Variants in UNC79 observed in about 807,000 individuals in gnomAD.
UNC79 encodes the protein unc-79 subunit of NALCN channel complex.
UNC79 carries 37 observed loss-of-function variants against 283.1 expected under a neutral mutation model. The ratio of observed to expected loss-of-function variants is 0.13; its 90% CI spans 0.10 to 0.17. UNC79 has a LOEUF of 0.17. UNC79 is among the 10% of genes least tolerant of loss of function. The pLI is 1.00. For missense variants in UNC79, 2,272 were observed against 3,211.1 expected, an observed-to-expected ratio of 0.71 and a Z score of 7.07; for synonymous variants, 1,107 against 1,200.2, an observed-to-expected ratio of 0.92 and a Z score of 1.61.
intron 1 of UNC79, among the ~76,000 whole-genome samples, chr14:93,443,401 G>A (rs2056368306): frequency 1.3e-5 from 2 of 149,164 alleles, no homozygotes; most frequent in South Asian, 4.2e-4. Flanking sequence ...ATCATTCAGT[G>A]CATACTCTTT....
chr14:93,484,726 C>T (rs2058326513), intron 4 of UNC79, among the ~76,000 whole-genome samples: 3 of 152,268 alleles, frequency 2.0e-5, no homozygotes, highest in African/African-American at 7.2e-5. Context: ...TTACATCATG[C>T]CTTTTTAACA....
At chr14:93,538,353 T>A in intron 12 of UNC79, 135 bp downstream of exon 12, 2 of 879,268 alleles carry the variant, frequency 2.3e-6, no homozygotes, top group Non-Finnish European at 3.3e-6. Context: ...CACAGTGTTG[T>A]AATGATGCTA....
At chr14:93,378,964 G>A (rs1230973427) in intron 1 of UNC79, among the ~76,000 whole-genome samples, 3 of 152,168 alleles carry the variant, frequency 2.0e-5, no homozygotes, top group African/African-American at 4.8e-5. Context: ...AAGGCTACAC[G>A]AGGTCCTATG....
intron 1 of UNC79, among the ~76,000 whole-genome samples, chr14:93,434,228 A>G (rs1745145384): frequency 6.6e-6 from 1 of 152,074 alleles, no homozygotes; most frequent in African/African-American, 2.4e-5. Flanking sequence ...AGAAAAAAAA[A>G]AAGAAAAGAA....
chr14:93,526,434 A>G (rs2060552614), intron 8 of UNC79, among the ~76,000 whole-genome samples: 2 of 152,222 alleles, frequency 1.3e-5, no homozygotes, highest in Non-Finnish European at 2.9e-5. Context: ...ATAGTGAAAA[A>G]CAATCAGTAA....
At chr14:93,625,855 G>A (rs1322947739) in intron 30 of UNC79, among the ~76,000 whole-genome samples, 2 of 152,084 alleles carry the variant, frequency 1.3e-5, no homozygotes, top group Admixed American at 1.3e-4. Context: ...GAATGTGACT[G>A]GGTGAAAACA....
chr14:93,489,916 G>A (rs190475991), intron 5 of UNC79, among the ~76,000 whole-genome samples: 7 of 152,318 alleles, frequency 4.6e-5, no homozygotes, highest in East Asian at 3.9e-4. Context: ...CTCTCAGGGT[G>A]GAGTTCCAGC....
chr14:93,467,573 G>A (rs766296413), intron 1 of UNC79, 98 bp from the exon 2 acceptor site: 334 of 1,154,624 alleles, frequency 2.9e-4, no homozygotes, highest in Non-Finnish European at 3.3e-4. Context: ...TTTTAAAAAT[G>A]ACTGTATGCC....
chr14:93,427,603 G>A (rs760858465), upstream of UNC79, among the ~76,000 whole-genome samples: 1 of 150,488 alleles, frequency 6.6e-6, no homozygotes, highest in African/African-American at 2.4e-5. Flanking sequence ...AATATATTAT[G>A]TTTTACTTAC....
At chr14:93,454,431 G>GCGTGTA (rs2140184639) in intron 1 of UNC79, among the ~76,000 whole-genome samples, 1 of 89,216 alleles carries the variant, frequency 1.1e-5, no homozygotes, top group Admixed American at 1.4e-4. Flanking sequence ...ATGTATAGAT[G>GCGTGTA]TGTGTATGTG....
At chr14:93,457,410 A>G (rs921726204) in intron 1 of UNC79, among the ~76,000 whole-genome samples, 56 of 152,194 alleles carry the variant, frequency 3.7e-4, no homozygotes, top group Non-Finnish European at 2.5e-4. Flanking sequence ...AAGGTTAGTT[A>G]CCTACTGGGG....
intron 13 of UNC79, among the ~76,000 whole-genome samples, chr14:93,542,230 G>A (rs1173225924): frequency 6.6e-6 from 1 of 152,114 alleles, no homozygotes; most frequent in African/African-American, 2.4e-5. Flanking sequence ...TTCCTTGTAG[G>A]AGAAAATGCT....
At chr14:93,352,455 C>A (rs2053996445) in intron 1 of UNC79, among the ~76,000 whole-genome samples, 1 of 152,160 alleles carries the variant, frequency 6.6e-6, no homozygotes, top group Admixed American at 6.5e-5. Context: ...CCGTTTGACA[C>A]TCAAGTTATT....
chr14:93,432,544 C>G (rs2055919648), intron 1 of UNC79, among the ~76,000 whole-genome samples: 1 of 152,144 alleles, frequency 6.6e-6, no homozygotes, highest in Non-Finnish European at 1.5e-5. Context: ...ACAAGCATTG[C>G]CCACTTTTAA....
chr14:93,624,873 C>G (rs1160414586), intron 30 of UNC79, among the ~76,000 whole-genome samples: 4 of 152,058 alleles, frequency 2.6e-5, no homozygotes, highest in Non-Finnish European at 5.9e-5. Context: ...CCCCTCCAAA[C>G]CCTCCCAGAC....
chr14:93,361,772 G>C (rs1423129701), intron 1 of UNC79, among the ~76,000 whole-genome samples: 1 of 152,096 alleles, frequency 6.6e-6, no homozygotes, highest in East Asian at 1.9e-4. Flanking sequence ...TCTTATTCTG[G>C]TTCTCAAGGG....
chr14:93,376,849 CTTAAT>C (rs1395985877), intron 1 of UNC79, among the ~76,000 whole-genome samples: 3 of 148,474 alleles, frequency 2.0e-5, no homozygotes, highest in Non-Finnish European at 4.5e-5. Flanking sequence ...TGGCTTTTTG[CTTAAT>C]TTAATTATAT....
In UNC79 at chr14:93,617,487, G is replaced by T. The variant is rs1229200423; in HGVS notation, c.4224+183G>T. 6.6e-6 allele frequency among the ~76,000 whole-genome samples: 1 copy of T among 152,018 alleles called. No homozygotes were observed. The highest frequency in any genetic ancestry group is 2.4e-5 in the African/African-American group (1 of 41,376). On this transcript the variant is annotated intron_variant, in intron 28 of 48. Coordinates refer to ENST00000555664, the Ensembl canonical transcript of UNC79. The surrounding 1 kb of genome is among the most constrained non-coding windows in gnomAD (Gnocchi z 4.5). ...ATTGAAATGAAAATAGAAATGGGAG[G>T]CCCTGTTAATATATGCTCTAAAAAT...
At chr14:93,428,590 G>A (rs2055780896), upstream of UNC79, among the ~76,000 whole-genome samples, 1 of 152,164 alleles carries the variant, frequency 6.6e-6, no homozygotes, top group African/African-American at 2.4e-5. Context: ...GAGTGCCTAG[G>A]TTGATGATTA....
Sources: allele counts gnomAD v4.1 joint callset (sites outside exome capture counted in the v4.1 genomes callset), GRCh38; gene constraint gnomAD v4.1.1; non-coding constraint Gnocchi (gnomAD v3.1); transcripts MANE v1.5; gene names NCBI Gene and HGNC (gene_info 2026-07-23, HGNC 2026-07-21).